PITPNM1: variants seen among roughly 807,000 people sequenced by gnomAD.
The protein encoded by PITPNM1 is membrane-associated phosphatidylinositol transfer protein 1.
A neutral mutation model predicts 133.3 loss-of-function variants in PITPNM1; 74 were observed. That is an observed-to-expected ratio of 0.56 (90% confidence interval 0.46 to 0.67). The LOEUF is 0.67. Among genes scored for constraint, PITPNM1 ranks in the 30% least tolerant of loss-of-function variants. The probability of loss-of-function intolerance (pLI) is 0.00; values close to 1 mark genes in which losing one functional copy is unlikely to be tolerated. For synonymous variants in PITPNM1, 738 were observed against 741.4 expected (o/e 1.00, Z 0.08); for missense variants, 1,398 against 1,739.5 (o/e 0.80, Z 3.49).
Position 67,498,563 on chromosome 11 carries a change from C to T in PITPNM1, c.1484+33G>A, listed in dbSNP as rs748828271. On this transcript the variant is annotated intron_variant, in intron 10 of 23. Transcript: ENST00000356404. The surrounding 1 kb of genome is among the most constrained non-coding windows in gnomAD (Gnocchi z 5.7). The stretch of plus-strand genomic sequence containing the variant: ...TGCCCCGCTCCCTGGCCTGATCCTA[C>T]GAGTTCCCTGCCCTTCCACCCGTGG... The T allele has an allele frequency of 1.4e-5, 23 of 1,586,464 alleles. No homozygotes were observed. Among genetic ancestry groups the T allele is most frequent in the South Asian group, 5.5e-5 (5 of 90,122 alleles).
rs1489952137 is a variant in PITPNM1 at position 67,498,611 on chromosome 11, T to C, written c.1469A>G (p.Tyr490Cys). 6.3e-7 allele frequency: 1 copy of C among 1,597,374 alleles called. No individual in the cohort carries two copies. Among genetic ancestry groups the C allele is most frequent in the Non-Finnish European group, 8.5e-7 (1 of 1,179,430 alleles). The change falls in exon 10 of 24, where the codon TAT becomes TGT. Residue 490 changes from tyrosine (Y) to cysteine (C), a missense_variant. Tyr to Cys is a radical substitution (Grantham distance 194). Around this residue, in one of 5 missense-constraint regions of PITPNM1, gnomAD observed 574 missense variants for 698.7 expected, o/e 0.82. Transcript: ENST00000356404. This position sits in a 1 kb window ranked among gnomAD's most constrained non-coding sequence, Gnocchi z 5.7. ...VPCPPICAAA[Y>C]ALVSNLSPYS... ...TGGCTAGTACTTGGAGACAAGGGCA[T>C]AGGCGGCGGCGCAGATGGGTGGACA... is the stretch of plus-strand genomic sequence containing the variant.
chr11:67,498,010 T>A lies in PITPNM1; in HGVS notation c.1689A>T (p.Gly563=). 1.2e-6 allele frequency: 2 copies of A among 1,610,450 alleles called. No individual in the cohort carries two copies. The highest frequency in any genetic ancestry group is 1.7e-6 in the Non-Finnish European group (2 of 1,179,938). The change falls in exon 12 of 24, where the codon GGA becomes GGT. Residue 563 remains glycine (G), a synonymous_variant. Transcript: ENST00000356404. The surrounding 1 kb of genome is among the most constrained non-coding windows in gnomAD (Gnocchi z 5.7). ...AGCCCAGGATGCCACCAACACCATC[T>A]CCAATCAGTGCGACCTGGGTGGGAG... ...AGFCGQVALI[G]DGVGGILGFD...
chr11:67,499,880 C>T, intron 7 of PITPNM1, 34 bp downstream of exon 7: 1 of 1,599,902 alleles, frequency 6.3e-7, no homozygotes, highest in Non-Finnish European at 8.6e-7. Flanking sequence ...TGCTCGGGGA[C>T]ATCCCCACTC....
At chr11:67,493,389 A>C (rs759756160) in intron 22 of PITPNM1, 21 bp downstream of exon 22, 23 of 1,547,560 alleles carry the variant, frequency 1.5e-5, no homozygotes, top group Non-Finnish European at 1.9e-5. Context: ...CAGGACCCGG[A>C]GCCTCCCCCA....
intron 21 of PITPNM1, 38 bp from the exon 22 acceptor site, chr11:67,493,631 G>A (rs1463327727): frequency 6.5e-7 from 1 of 1,546,116 alleles, no homozygotes; most frequent in Middle Eastern, 1.7e-4. Context: ...CGCTGGCCAG[G>A]GGTGAGGGGC....
At chr11:67,492,698 G>T (rs996876993) in intron 23 of PITPNM1, among the ~76,000 whole-genome samples, 1 of 152,260 alleles carries the variant, frequency 6.6e-6, no homozygotes, top group African/African-American at 2.4e-5. Context: ...AGCCATGGCC[G>T]AGTGGAACCA....
At position 67,495,544 on chromosome 11, in the gene PITPNM1, G is replaced by A; in HGVS notation, c.2376C>T (p.Pro792=). Residue 792 remains proline, a synonymous_variant, in exon 16 of 24, where the codon CCC becomes CCT. Coordinates refer to ENST00000356404, the MANE Select transcript of PITPNM1 (RefSeq NM_004910.3). ...LFLEELEMLV[P]STPTSTSGAF... ...CACCGCTAGTAGAGGTGGGTGTTGA[G>A]GGCACCAGCATCTCCAGCTCCTCCA... 2 of 1,588,780 alleles carry A rather than the reference G, an allele frequency of 1.3e-6. No individual in the cohort carries two copies. Among genetic ancestry groups the A allele is most frequent in the African/African-American group, 2.7e-5 (2 of 73,954 alleles).
chr11:67,502,100 G>A lies in PITPNM1; in HGVS notation c.416-14C>T. On this transcript the variant is annotated splice_polypyrimidine_tract_variant and intron_variant, in intron 4 of 23. Transcript: ENST00000356404. This position sits in a 1 kb window ranked among gnomAD's most constrained non-coding sequence, Gnocchi z 5.9. The stretch of plus-strand genomic sequence containing the variant: ...TGTCGATGGTGTCTGAGGGAGTTCG[G>A]CAAGCATTGAGCAGCGCCAGCCCCT... 6.2e-7 allele frequency: 1 copy of A among 1,607,168 alleles called. No individual in the cohort carries two copies. Among genetic ancestry groups the A allele is most frequent in the African/African-American group, 1.3e-5 (1 of 74,946 alleles).
chr11:67,499,867 A>G, intron 7 of PITPNM1, 37 bp from the exon 8 acceptor site: 1 of 1,591,404 alleles, frequency 6.3e-7, no homozygotes, highest in Non-Finnish European at 8.6e-7. Context: ...GGGTGGGAGG[A>G]GCTGCTCGGG....
At position 67,499,726 on chromosome 11, in the gene PITPNM1, G is replaced by T. The variant is rs1354671832; in HGVS notation, c.1168C>A (p.Pro390Thr). ...GTGTCCTAGGCGGTATCTTTACCTG[G>T]CGTTCCCTCTGCCTCCACTGGGGAG... is the stretch of plus-strand genomic sequence containing the variant. ...FASPVEAEGT[P>T]EPGAEAAKGI... is the part of the protein sequence containing the mutation. The change falls in exon 8 of 24, where the codon CCA becomes ACA. Residue 390 changes from proline (P) to threonine (T), a missense_variant. This residue lies in a region of PITPNM1 where 195 missense variants were observed against 178.8 expected (regional missense o/e 1.09). Transcript: ENST00000356404. 1.3e-5 allele frequency: 19 copies of T among 1,492,144 alleles called. No homozygotes were observed. Among genetic ancestry groups the T allele is most frequent in the Non-Finnish European group, 1.6e-5 (18 of 1,114,880 alleles). The allele number at this position is 1,492,144 out of a possible 1,614,324, so 92.4% of individuals were successfully genotyped here.
rs1451174933 is a variant in PITPNM1, at chr11:67,493,141, AT to A, written c.3343-80del. The A allele has an allele frequency of 1.0e-5, 16 of 1,559,208 alleles. No homozygotes were observed. In the Admixed American group the frequency reaches 2.7e-4, roughly 27 times the overall value. ...GGCGGGGCCTGTTGGGCTTCCCCAG[AT>A]TGTTCTGGGGGTGGGTCCAGGCAGA... On this transcript the variant is annotated intron_variant, in intron 22 of 23. Coordinates refer to ENST00000356404, the MANE Select transcript of PITPNM1 (RefSeq NM_004910.3).
intron 22 of PITPNM1, 151 bp from the exon 23 acceptor site, chr11:67,493,213 C>T: frequency 8.9e-7 from 1 of 1,117,428 alleles, no homozygotes; most frequent in Non-Finnish European, 1.3e-6. Flanking sequence ...GGGGCGGGAC[C>T]AGCTGCATCT....
Position 67,497,445 on chromosome 11 carries a change from G to C in PITPNM1, c.1941-9C>G, listed in dbSNP as rs764997466. ...CGGGGGCTGCCTGAAGGCTGTGGGG[G>C]AGGAGGGGTGCTCAGTGCTGCTGCC... On this transcript the variant is annotated splice_polypyrimidine_tract_variant and intron_variant, in intron 13 of 23. Transcript: ENST00000356404. 6.3e-7 allele frequency: 1 copy of C among 1,591,090 alleles called. No homozygotes were observed. Among genetic ancestry groups the C allele is most frequent in the Admixed American group, 1.7e-5 (1 of 57,632 alleles).
Position 67,491,866 on chromosome 11 carries a change from C to T in PITPNM1, c.*167G>A, listed in dbSNP as rs988233057. ...CCTCCCTCCCCCCGGCGCTGGGTCC[C>T]CTCATATGAAAGGGAAGTAACACCG... On this transcript the variant is annotated 3_prime_UTR_variant, in exon 24 of 24. Coordinates refer to ENST00000356404, the MANE Select transcript of PITPNM1 (RefSeq NM_004910.3). The T allele has an allele frequency of 1.9e-5, 14 of 740,820 alleles. No individual in the cohort carries two copies. In the African/African-American group the frequency reaches 2.5e-4, roughly 13 times the overall value. The allele number at this position is 740,820 out of a possible 1,614,324, so 45.9% of individuals were successfully genotyped here. A position where few individuals can be genotyped will look rare whatever the true frequency, so the allele number is the denominator to read the frequency against.
chr11:67,500,428 G>A lies in PITPNM1; in HGVS notation c.641-7C>T. 3 of 1,602,828 alleles carry A rather than the reference G, an allele frequency of 1.9e-6. No individual in the cohort carries two copies. The highest frequency in any genetic ancestry group is 2.6e-6 in the Non-Finnish European group (3 of 1,176,436). On this transcript the variant is annotated splice_region_variant and splice_polypyrimidine_tract_variant and intron_variant, in intron 5 of 23. Coordinates refer to ENST00000356404, the MANE Select transcript of PITPNM1 (RefSeq NM_004910.3). ...AGCATCACCCGACGCAGACCTGCAG[G>A]TGCCCAGGCGTCAGAACTGCCCCCT...
In PITPNM1 at chr11:67,504,091, C is replaced by G. The variant is rs986451687; in HGVS notation, c.78+12G>C. The G allele has an allele frequency of 1.9e-6, 3 of 1,588,294 alleles. No individual in the cohort carries two copies. Among genetic ancestry groups the G allele is most frequent in the Admixed American group, 1.8e-5 (1 of 55,846 alleles). ...ACCCCTTGCCCGGGTGCCCTCTCCC[C>G]GCCGCCCTCACCTGGATCATGTAGA... On this transcript the variant is annotated intron_variant, in intron 2 of 23. Transcript: ENST00000356404. This position sits in a 1 kb window ranked among gnomAD's most constrained non-coding sequence, Gnocchi z 5.4.
chr11:67,493,070 G>C lies in PITPNM1; in HGVS notation c.3343-8C>G. On this transcript the variant is annotated splice_polypyrimidine_tract_variant and splice_region_variant and intron_variant, in intron 22 of 23. Coordinates refer to ENST00000356404, the MANE Select transcript of PITPNM1 (RefSeq NM_004910.3). ...CACGATGTTCAGTTCTACCTGTGGC[G>C]GGAGATGCCAATCAGCCGCCCCAGG... 6.2e-7 allele frequency: 1 copy of C among 1,612,830 alleles called. No homozygotes were observed.
rs775935868 is a variant in PITPNM1 at position 67,502,049 on chromosome 11, G to T, written c.453C>A (p.Gly151=). 2 of 1,613,222 alleles carry T rather than the reference G, an allele frequency of 1.2e-6. No individual in the cohort carries two copies. The highest frequency in any genetic ancestry group is 8.5e-7 in the Non-Finnish European group (1 of 1,179,948). Residue 151 remains glycine (G), a synonymous_variant, in exon 5 of 24, where the codon GGC becomes GGA. Transcript: ENST00000356404. The surrounding 1 kb of genome is among the most constrained non-coding windows in gnomAD (Gnocchi z 5.9). ...GGGGGTCCTCTTCTGCTTTGTACTC[G>T]CCTGGGGCCACTGCATCCCGCACGA... is the stretch of plus-strand genomic sequence containing the variant. The part of the protein sequence containing the change: ...IDIVRDAVAP[G]EYKAEEDPRL...
chr11:67,497,804 C>T, intron 12 of PITPNM1, 113 bp downstream of exon 12: 1 of 1,465,542 alleles, frequency 6.8e-7, no homozygotes, highest in East Asian at 2.3e-5. Flanking sequence ...CATGAACTGG[C>T]AGGGCAGCAG....
Sources: gnomAD v4.1 joint callset for allele counts (sites outside exome capture counted in the v4.1 genomes callset) on GRCh38, gnomAD v4.1.1 for gene constraint, gnomAD v4.1.1 regional missense constraint, Gnocchi (gnomAD v3.1) non-coding constraint, MANE v1.5 for transcripts, NCBI Gene and HGNC (gene_info 2026-07-23, HGNC 2026-07-21) for gene names.